The following CCDC180 variants were observed in gnomAD, a reference collection of about 807,000 sequenced individuals.
The protein encoded by CCDC180 is coiled-coil domain-containing protein 180.
A neutral mutation model predicts 209.2 loss-of-function variants in CCDC180; 154 were observed. The observed-to-expected ratio is 0.74, with a 90% CI of 0.65 to 0.84. CCDC180 has a LOEUF of 0.84. Ranked by LOEUF, CCDC180 falls within the 40% of genes least tolerant of loss-of-function variation. The pLI is 0.00. For synonymous variants in CCDC180, 778 were observed against 749.1 expected (o/e 1.04, Z -0.63); for missense variants, 1,874 against 1,997.3 (o/e 0.94, Z 1.18).
intron 18 of CCDC180, among the ~76,000 whole-genome samples, chr9:97,340,940 C>G (rs1427941647): frequency 6.6e-6 from 1 of 152,226 alleles, no homozygotes; most frequent in East Asian, 1.9e-4. Context: ...GGTCACGCTC[C>G]TAGTCTGCCT....
chr9:97,366,462 T>G lies in CCDC180; in HGVS notation c.4048-97T>G. The G allele has an allele frequency of 1.6e-6, 2 of 1,273,394 alleles. No individual in the cohort carries two copies. Among genetic ancestry groups the G allele is most frequent in the Non-Finnish European group, 2.2e-6 (2 of 905,372 alleles). The allele number at this position is 1,273,394 out of a possible 1,614,324, so 78.9% of individuals were successfully genotyped here. A position where few individuals can be genotyped will look rare whatever the true frequency, so the allele number is the denominator to read the frequency against. ...CACAGGGGATGCCACGAGCAAAGGCTAGGGAGTGTGGAGGTGAGGGCAGGC... is the reference window on the plus strand; with the variant it reads ...CACAGGGGATGCCACGAGCAAAGGCGAGGGAGTGTGGAGGTGAGGGCAGGC... On this transcript the variant is annotated intron_variant, in intron 30 of 36. Coordinates refer to ENST00000529487, the MANE Select transcript of CCDC180 (RefSeq NM_020893.6). The surrounding 1 kb of genome is among the most constrained non-coding windows in gnomAD (Gnocchi z 4.3).
chr9:97,329,750 G>A (rs767623824), intron 16 of CCDC180, among the ~76,000 whole-genome samples: 1 of 152,154 alleles, frequency 6.6e-6, no homozygotes, highest in African/African-American at 2.4e-5. Flanking sequence ...ATATTAAAGG[G>A]GAGGGATGGG....
intron 21 of CCDC180, 25 bp from the exon 22 acceptor site, chr9:97,350,384 C>G: frequency 6.5e-7 from 1 of 1,534,208 alleles, no homozygotes; most frequent in Non-Finnish European, 8.7e-7. Flanking sequence ...CCATCACTGT[C>G]CTGTTCCTCC....
Position 97,308,111 on chromosome 9 carries a change from C to T in CCDC180, c.48C>T (p.Tyr16=), listed in dbSNP as rs371565324. ...KVTQVPNGKA[Y]QQIFQAEVQL... is the part of the protein sequence containing the mutation. ...CCCAGGTTCCGAATGGGAAAGCCTA[C>T]CAGCAGATCTTCCAGGCTGAGGTAG... The change falls in exon 2 of 37, where the codon TAC becomes TAT. Residue 16 remains tyrosine, a synonymous_variant. Transcript: ENST00000529487. 111 of 1,608,422 alleles carry T rather than the reference C, an allele frequency of 6.9e-5. No homozygotes were observed. Among genetic ancestry groups the T allele is most frequent in the Non-Finnish European group, 8.9e-5 (105 of 1,177,484 alleles).
rs1336141806 is a variant in CCDC180 at position 97,307,741 on chromosome 9, C to T, written c.-147C>T. ...TGTATTATTCGCGTTCCCAGAGTCCCTTCGGATTTGCGCCATGCGCGGCGG... is the reference window on the plus strand; with the variant it reads ...TGTATTATTCGCGTTCCCAGAGTCCTTTCGGATTTGCGCCATGCGCGGCGG... On this transcript the variant is annotated 5_prime_UTR_variant, in exon 1 of 37. Transcript: ENST00000529487. 1 of 1,614,062 alleles carries T rather than the reference C, an allele frequency of 6.2e-7. No homozygotes were observed. Among genetic ancestry groups the T allele is most frequent in the Non-Finnish European group, 8.5e-7 (1 of 1,180,012 alleles).
intron 26 of CCDC180, 142 bp downstream of exon 26, chr9:97,360,243 G>A: frequency 1.9e-6 from 2 of 1,031,108 alleles, no homozygotes; most frequent in Non-Finnish European, 2.8e-6. Context: ...AGATGCTGTG[G>A]AAAGATCACA....
At chr9:97,309,366 G>C in intron 2 of CCDC180, 48 bp from the exon 3 acceptor site, 1 of 1,550,082 alleles carries the variant, frequency 6.5e-7, no homozygotes, top group Non-Finnish European at 8.7e-7. Context: ...GTGCTAGGAA[G>C]TCAGCAGCTC....
intron 25 of CCDC180, among the ~76,000 whole-genome samples, chr9:97,358,177 A>G (rs1272483642): frequency 7.2e-6 from 1 of 138,068 alleles, no homozygotes; most frequent in Non-Finnish European, 1.5e-5. Flanking sequence ...GCTGGAGTGC[A>G]GTGGCACAAT....
At chr9:97,316,749 C>T (rs1463069783) in intron 8 of CCDC180, among the ~76,000 whole-genome samples, 1 of 152,232 alleles carries the variant, frequency 6.6e-6, no homozygotes, top group Non-Finnish European at 1.5e-5. Flanking sequence ...ACACTTAGAG[C>T]TCACTGAGTG....
At chr9:97,346,239 G>A (rs1326667394) in intron 19 of CCDC180, among the ~76,000 whole-genome samples, 2 of 152,180 alleles carry the variant, frequency 1.3e-5, no homozygotes, top group African/African-American at 2.4e-5. Flanking sequence ...ATATCTGATA[G>A]TGTAAGTCCT....
chr9:97,375,671 G>A (rs1043902507), intron 36 of CCDC180, 82 bp downstream of exon 36: 75 of 1,570,544 alleles, frequency 4.8e-5, no homozygotes, highest in Middle Eastern at 2.2e-4. Flanking sequence ...CCCATCACCC[G>A]GCACCCAACA....
chr9:97,325,753 G>A (rs897815965), intron 14 of CCDC180, among the ~76,000 whole-genome samples: 1 of 152,214 alleles, frequency 6.6e-6, no homozygotes, highest in Non-Finnish European at 1.5e-5. Flanking sequence ...AGAGGGTAGT[G>A]CCGGTGCTGG....
At chr9:97,328,396 T>G (rs1353864688) in intron 16 of CCDC180, among the ~76,000 whole-genome samples, 1 of 152,160 alleles carries the variant, frequency 6.6e-6, no homozygotes, top group Non-Finnish European at 1.5e-5. Context: ...ATTTATATGG[T>G]GCTTGGAATT....
At chr9:97,318,344 G>T (rs1251030310) in intron 9 of CCDC180, 119 bp from the exon 10 acceptor site, 12 of 1,234,714 alleles carry the variant, frequency 9.7e-6, no homozygotes, top group African/African-American at 1.5e-5. Context: ...GGGGCTGGGG[G>T]TGGTGTTAGG....
In CCDC180 at chr9:97,347,338, C is replaced by G. The variant is rs1479142624; in HGVS notation, c.2523C>G (p.His841Gln). The G allele has an allele frequency of 6.5e-7, 1 of 1,536,046 alleles. No individual in the cohort carries two copies. The highest frequency in any genetic ancestry group is 1.2e-5 in the South Asian group (1 of 84,052). ...KKQLRAGFFE[H>Q]LEKWFDQCSL... ...GACTTCGAGCTGGCTTCTTCGAGCACCTTGAGAAGTGGTTTGACCAGTGTT... is the reference window on the plus strand; with the variant it reads ...GACTTCGAGCTGGCTTCTTCGAGCAGCTTGAGAAGTGGTTTGACCAGTGTT... The change falls in exon 20 of 37, where the codon CAC becomes CAG. Residue 841 changes from histidine to glutamine, a missense_variant. Coordinates refer to ENST00000529487, the MANE Select transcript of CCDC180 (RefSeq NM_020893.6).
intron 4 of CCDC180, among the ~76,000 whole-genome samples, 172 bp downstream of exon 4, chr9:97,312,373 TC>T (rs1333953192): frequency 6.9e-6 from 1 of 144,250 alleles, no homozygotes; most frequent in Admixed American, 7.0e-5. Flanking sequence ...CCAAGAGTCC[TC>T]CCCTGTGCAG....
At chr9:97,314,990 G>A (rs1454935882) in intron 8 of CCDC180, 44 bp downstream of exon 8, 6 of 1,496,194 alleles carry the variant, frequency 4.0e-6, no homozygotes, top group Non-Finnish European at 4.7e-6. Flanking sequence ...GGGAGAAGGG[G>A]CAGGACCAGG....
intron 33 of CCDC180, 21 bp downstream of exon 33, chr9:97,370,799 G>A (rs752248885): frequency 3.8e-5 from 62 of 1,611,962 alleles, no homozygotes; most frequent in African/African-American, 1.1e-4. Flanking sequence ...CCATTGATTC[G>A]CCAGTCCAGG....
chr9:97,308,215 T>C, intron 2 of CCDC180, 83 bp downstream of exon 2: 1 of 1,276,928 alleles, frequency 7.8e-7, no homozygotes, highest in Non-Finnish European at 1.0e-6. Context: ...AGGGCTTCCC[T>C]ACTGGAAATT....
Sources: allele counts gnomAD v4.1 joint callset (sites outside exome capture counted in the v4.1 genomes callset), GRCh38; gene constraint gnomAD v4.1.1; non-coding constraint Gnocchi (gnomAD v3.1); transcripts MANE v1.5; gene names NCBI Gene and HGNC (gene_info 2026-07-23, HGNC 2026-07-21).